Variants in SLC35D4 observed in about 807,000 individuals in gnomAD.
The protein encoded by SLC35D4 is UDP-N-acetylglucosamine transporter SLC35D4.
At chr18:23,336,497 A>G in the SLC35D4 span, among the ~76,000 whole-genome samples, 1 of 152,228 alleles carries the variant, frequency 6.6e-6, no homozygotes, top group South Asian at 2.1e-4. Context: ...GGGAACAGCC[A>G]TAATTAGATT....
the SLC35D4 span, among the ~76,000 whole-genome samples, chr18:23,408,032 C>T: frequency 6.6e-6 from 1 of 152,158 alleles, no homozygotes; most frequent in Non-Finnish European, 1.5e-5. Flanking sequence ...CCTCTCCCCA[C>T]AAATCACCTG....
the SLC35D4 span, chr18:23,370,360 C>T: frequency 8.4e-7 from 1 of 1,186,502 alleles, no homozygotes; most frequent in Non-Finnish European, 1.2e-6. Flanking sequence ...TAAAGGCTCC[C>T]AAAAGCACGA....
At chr18:23,337,616 C>T in the SLC35D4 span, among the ~76,000 whole-genome samples, 15 of 152,076 alleles carry the variant, frequency 9.9e-5, no homozygotes, top group Non-Finnish European at 2.1e-4. Flanking sequence ...TTCTAAAATT[C>T]TGAACATGGA....
At chr18:23,286,664 A>C in the SLC35D4 span, among the ~76,000 whole-genome samples, 1 of 151,786 alleles carries the variant, frequency 6.6e-6, no homozygotes, top group Non-Finnish European at 1.5e-5. Context: ...CCTTCTTTTC[A>C]AGGGCCTGTT....
At chr18:23,297,050 G>A in the SLC35D4 span, 14 of 152,202 alleles carry the variant, frequency 9.2e-5, no homozygotes, top group African/African-American at 2.2e-4. Flanking sequence ...AAGAAAGGAC[G>A]GACCCAGAGG....
At chr18:23,327,943 C>G in the SLC35D4 span, among the ~76,000 whole-genome samples, 1 of 152,112 alleles carries the variant, frequency 6.6e-6, no homozygotes, top group Non-Finnish European at 1.5e-5. Flanking sequence ...ACAGAACTAA[C>G]AACAAAAACC....
the SLC35D4 span, among the ~76,000 whole-genome samples, chr18:23,246,536 C>A: frequency 3.1e-4 from 47 of 152,020 alleles, no homozygotes; most frequent in Middle Eastern, 0.02. Flanking sequence ...GGACTACAGG[C>A]ACCCGCCACC....
chr18:23,305,753 TGA>T, the SLC35D4 span, among the ~76,000 whole-genome samples: 1 of 152,212 alleles, frequency 6.6e-6, no homozygotes, highest in Non-Finnish European at 1.5e-5. Context: ...TCCCATTTTC[TGA>T]GTGCAGTGAG....
chr18:23,388,261 G>A, the SLC35D4 span, among the ~76,000 whole-genome samples: 7 of 152,116 alleles, frequency 4.6e-5, no homozygotes. Context: ...ATTTATACAT[G>A]TAGAATTAAT....
the SLC35D4 span, chr18:23,297,732 A>G: frequency 7.6e-6 from 3 of 394,534 alleles, no homozygotes; most frequent in South Asian, 7.0e-5. Context: ...CGGTTGAGAG[A>G]GGTTCTCCAA....
At chr18:23,428,248 AACTAGACAATTC>A in the SLC35D4 span, among the ~76,000 whole-genome samples, 1 of 152,326 alleles carries the variant, frequency 6.6e-6, no homozygotes, top group East Asian at 1.9e-4. Context: ...TAAAAGGCAC[AACTAGACAATTC>A]ACTAAAAAAG....
the SLC35D4 span, chr18:23,352,132 G>A: frequency 1.4e-6 from 2 of 1,440,442 alleles, no homozygotes; most frequent in Admixed American, 2.0e-5. Flanking sequence ...ACATTACCCA[G>A]GTTCTGAGAT....
chr18:23,363,520 G>T, the SLC35D4 span, among the ~76,000 whole-genome samples: 2 of 151,346 alleles, frequency 1.3e-5, no homozygotes, highest in African/African-American at 4.8e-5. Flanking sequence ...GACTACAGGC[G>T]CCCGCCACCA....
chr18:23,283,378 G>A, the SLC35D4 span, among the ~76,000 whole-genome samples: 2 of 150,894 alleles, frequency 1.3e-5, no homozygotes, highest in South Asian at 2.1e-4. Flanking sequence ...GGAGGCTGAG[G>A]TGGGAGGATC....
chr18:23,317,732 T>C, the SLC35D4 span, among the ~76,000 whole-genome samples: 1 of 152,080 alleles, frequency 6.6e-6, no homozygotes, highest in African/African-American at 2.4e-5. Context: ...TTTGTCTTTT[T>C]ATATGTTTCA....
At chr18:23,430,578 T>C in the SLC35D4 span, 2 of 1,420,204 alleles carry the variant, frequency 1.4e-6, no homozygotes, top group Non-Finnish European at 2.0e-6. Context: ...CAAAGAATGA[T>C]GGTGGTTGGA....
chr18:23,303,123 G>C, the SLC35D4 span, among the ~76,000 whole-genome samples: 6 of 152,230 alleles, frequency 3.9e-5, no homozygotes, highest in Admixed American at 1.3e-4. Flanking sequence ...GGCTCTGAGA[G>C]CTGGTCACCC....
chr18:23,423,303 C>G, the SLC35D4 span, among the ~76,000 whole-genome samples: 63,306 of 152,128 alleles, frequency 0.42, 14,411 homozygotes, highest in Middle Eastern at 0.53. Context: ...TTTCACTGAC[C>G]CAGCCAAGCA....
At chr18:23,327,355 T>G in the SLC35D4 span, among the ~76,000 whole-genome samples, 1 of 151,722 alleles carries the variant, frequency 6.6e-6, no homozygotes, top group Non-Finnish European at 1.5e-5. Context: ...CAATAAAAAA[T>G]GATAAAGGGG....
Sources: allele counts gnomAD v4.1 joint callset (sites outside exome capture counted in the v4.1 genomes callset), GRCh38; gene constraint gnomAD v4.1.1; transcripts MANE v1.5; gene names NCBI Gene and HGNC (gene_info 2026-07-23, HGNC 2026-07-21).